The following CYP2A6 variants were observed in gnomAD, a reference collection of about 807,000 sequenced individuals.
CYP2A6 encodes the protein cytochrome P450 2A6.
CYP2A6 carries 27 observed loss-of-function variants against 42.3 expected under a neutral mutation model. The observed-to-expected ratio is 0.64, with a 90% CI of 0.47 to 0.88. The LOEUF (loss-of-function observed/expected upper bound fraction) is 0.88, where lower values mean the gene tolerates loss of function less well. Among genes scored for constraint, CYP2A6 ranks in the 40% least tolerant of loss-of-function variants. CYP2A6 has a pLI of 0.00. For synonymous variants in CYP2A6, 238 were observed against 246.3 expected (o/e 0.97, Z 0.31); for missense variants, 628 against 646.0 (o/e 0.97, Z 0.30).
chr19:40,849,008 GAGAA>G (rs1967163352), intron 2 of CYP2A6, among the ~76,000 whole-genome samples: 1 of 80,536 alleles, frequency 1.2e-5, no homozygotes, highest in African/African-American at 4.6e-5. Flanking sequence ...GAGAGAGAGA[GAGAA>G]GAGAGAGAGG....
chr19:40,849,054 GAGAGAGAGA>G (rs1967171290), intron 2 of CYP2A6, among the ~76,000 whole-genome samples: 2 of 122,170 alleles, frequency 1.6e-5, no homozygotes, highest in South Asian at 6.3e-4. Flanking sequence ...AGGAGAGAGA[GAGAGAGAGA>G]GAGAGAGAGA....
Position 40,846,917 on chromosome 19 carries a change from G to A in CYP2A6, c.789C>T (p.Ser263=). Residue 263 remains serine, a synonymous_variant, in exon 5 of 9, where the codon TCC becomes TCT. Coordinates refer to ENST00000301141, the MANE Select transcript of CYP2A6 (RefSeq NM_000762.6). Reference sequence around the variant, plus strand: ...GAAAGGAGTCAATGAAGTCCCGTGGGGAATTGGGATCCAGCGTGCGCTGGT... The same window carrying A: ...GAAAGGAGTCAATGAAGTCCCGTGGAGAATTGGGATCCAGCGTGCGCTGGT... ...EHNQRTLDPN[S]PRDFIDSFLI... 6.2e-7 allele frequency: 1 copy of A among 1,612,160 alleles called. No individual in the cohort carries two copies. The highest frequency in any genetic ancestry group is 8.5e-7 in the Non-Finnish European group (1 of 1,179,964).
In CYP2A6 at chr19:40,845,282, G is replaced by A; in HGVS notation, c.1161+12C>T. 3 of 1,611,438 alleles carry A rather than the reference G, an allele frequency of 1.9e-6. 1 individual carries two copies. The South Asian group carries it at 3.3e-5, about 18-fold the overall frequency. The stretch of plus-strand genomic sequence containing the variant: ...AAGTCCCCGTAGTCTGGGGGGTGGG[G>A]GCGGATAGCACCTTAGGGAGGAAGA... On this transcript the variant is annotated intron_variant, in intron 7 of 8. Transcript: ENST00000301141.
At chr19:40,849,793 T>A (rs768460099) in intron 2 of CYP2A6, 25 bp downstream of exon 2, 6 of 1,608,296 alleles carry the variant, frequency 3.7e-6, no homozygotes, top group Non-Finnish European at 5.1e-6. Flanking sequence ...CCTGGCCACC[T>A]TCCCCCTCTT....
At chr19:40,850,100 C>T in intron 1 of CYP2A6, 120 bp from the exon 2 acceptor site, 1 of 1,535,284 alleles carries the variant, frequency 6.5e-7, no homozygotes, top group African/African-American at 1.4e-5. Flanking sequence ...GGGAGCTGGA[C>T]ATCCCAAGAT....
Position 40,844,725 on chromosome 19 carries a change from A to G in CYP2A6, c.1209T>C (p.Ser403=), listed in dbSNP as rs56314118. 10,105 of 1,611,118 alleles carry G rather than the reference A, an allele frequency of 6.3e-3. 114 individuals are homozygous for G. The highest frequency in any genetic ancestry group is 7.2e-3 in the Non-Finnish European group (8,547 of 1,179,384). ...TGAAGTCCTGGGGGTTGGAGAAGAA[A>G]CTGGGGTCTCTCAGCACAGAGCCCA... The part of the protein sequence containing the change: ...PMLGSVLRDP[S]FFSNPQDFNP... The change falls in exon 8 of 9, where the codon AGT becomes AGC. Residue 403 remains serine (S), a synonymous_variant. Transcript: ENST00000301141.
intron 2 of CYP2A6, 23 bp downstream of exon 2, chr19:40,849,795 C>G (rs1444740582): frequency 6.8e-6 from 11 of 1,608,282 alleles, no homozygotes; most frequent in Non-Finnish European, 9.3e-6. Flanking sequence ...TGGCCACCTT[C>G]CCCCTCTTGG....
rs757324688 is a variant in CYP2A6, at chr19:40,846,883, T to A, written c.823A>T (p.Met275Leu). 11 of 1,611,886 alleles carry A rather than the reference T, an allele frequency of 6.8e-6. No homozygotes were observed. In the African/African-American group the frequency reaches 1.2e-4, roughly 18 times the overall value. The part of the protein sequence containing the change: ...RDFIDSFLIR[M>L]QEEEKNPNTE... ...TGGCTGCTGGGGTGTACCTCCTGCA[T>A]GCGGATGAGAAAGGAGTCAATGAAG... The change falls in exon 5 of 9, where the codon ATG (methionine) becomes TTG (leucine). Residue 275 changes from methionine (M) to leucine (L), a missense_variant. Met to Leu is a conservative substitution (Grantham distance 15). Around this residue, in one of 2 missense-constraint regions of CYP2A6, gnomAD observed 606 missense variants for 568.1 expected, o/e 1.07. Coordinates refer to ENST00000301141, the MANE Select transcript of CYP2A6 (RefSeq NM_000762.6).
chr19:40,848,400 G>T (rs764682436), intron 3 of CYP2A6, 21 bp from the exon 4 acceptor site: 1 of 1,611,548 alleles, frequency 6.2e-7, no homozygotes, highest in South Asian at 1.1e-5. Flanking sequence ...GGCGGGAGAA[G>T]GGGGTTGGGG....
chr19:40,846,803 G>T, intron 5 of CYP2A6, 72 bp downstream of exon 5: 1 of 1,576,074 alleles, frequency 6.3e-7, no homozygotes, highest in Admixed American at 1.7e-5. Flanking sequence ...TGTGTCATCT[G>T]CCTGCCCCAC....
intron 5 of CYP2A6, among the ~76,000 whole-genome samples, chr19:40,846,352 GT>G (rs72549443): frequency 0.16 from 23,170 of 144,022 alleles, 2,557 homozygotes; most frequent in African/African-American, 0.29. Flanking sequence ...GTTTTTTTTT[GT>G]TTTTTTTTTT....
chr19:40,843,710 T>C lies in CYP2A6; in HGVS notation c.*86A>G. On this transcript the variant is annotated 3_prime_UTR_variant, in exon 9 of 9. Coordinates refer to ENST00000301141, the MANE Select transcript of CYP2A6 (RefSeq NM_000762.6). ...CCTTTCCGCCATCCTGCCCCCAGTC[T>C]TAGCTGCGCCCCTCTCCCAAGCCCG... 7.4e-7 allele frequency: 1 copy of C among 1,343,678 alleles called. No homozygotes were observed. Among genetic ancestry groups the C allele is most frequent in the South Asian group, 1.4e-5 (1 of 73,102 alleles). 83.2% of individuals were successfully genotyped at this position (1,343,678 alleles called of 1,614,324 possible). A position where few individuals can be genotyped will look rare whatever the true frequency, so the allele number is the denominator to read the frequency against.
intron 2 of CYP2A6, 118 bp downstream of exon 2, chr19:40,849,700 G>T: frequency 6.5e-7 from 1 of 1,535,872 alleles, no homozygotes; most frequent in Non-Finnish European, 8.8e-7. Flanking sequence ...GGGGAGGGAA[G>T]ACCAGACTGG....
intron 7 of CYP2A6, 113 bp from the exon 8 acceptor site, chr19:40,844,885 G>C: frequency 2.9e-6 from 4 of 1,384,842 alleles, no homozygotes. Context: ...TGGCAGGCAT[G>C]GAGGAGTTGG....
rs138932530 is a variant in CYP2A6, at chr19:40,845,450, G to A, written c.1005C>T (p.Ile335=). 3.7e-5 allele frequency: 60 copies of A among 1,611,730 alleles called. 1 individual carries two copies. In the African/African-American group the frequency reaches 5.8e-4, roughly 15 times the overall value. The part of the protein sequence containing the change: ...AKVHEEIDRV[I]GKNRQPKFED... ...CAAACTTGGGCTGCCGGTTCTTGCC[G>A]ATCACTCTGTCAATCTCCTCATGGA... The change falls in exon 7 of 9, where the codon ATC becomes ATT. Residue 335 remains isoleucine (I), a synonymous_variant. Transcript: ENST00000301141.
At chr19:40,844,229 T>C (rs1171441318) in intron 8 of CYP2A6, among the ~76,000 whole-genome samples, 1 of 151,360 alleles carries the variant, frequency 6.6e-6, no homozygotes, top group African/African-American at 2.4e-5. Context: ...CTCTGTGTTA[T>C]ACAGTTCTAT....
At chr19:40,849,730 A>G in intron 2 of CYP2A6, 88 bp downstream of exon 2, 2 of 1,579,728 alleles carry the variant, frequency 1.3e-6, no homozygotes, top group Non-Finnish European at 8.6e-7. Context: ...CTTAGCCTCC[A>G]GTTGGCAGGA....
In CYP2A6 at chr19:40,847,003, G is replaced by A. The variant is rs779446964; in HGVS notation, c.703C>T (p.Gln235Ter). The A allele has an allele frequency of 1.2e-6, 2 of 1,611,930 alleles. No homozygotes were observed. The highest frequency in any genetic ancestry group is 2.2e-5 in the South Asian group (2 of 90,924). ...SVMKHLPGPQ[Q>*]QAFQLLQGLE... ...CCTTGCAGCAACTGAAAGGCCTGTTGCTGTGGTCCTGGCAGGTGTTTCATC... is the reference window on the plus strand; with the variant it reads ...CCTTGCAGCAACTGAAAGGCCTGTTACTGTGGTCCTGGCAGGTGTTTCATC... Residue 235 changes from glutamine (Q) to a stop codon, truncating the protein, a stop_gained, in exon 5 of 9, where the codon CAA (glutamine) becomes TAA (stop). Transcript: ENST00000301141. LOFTEE classifies it high-confidence loss of function.
chr19:40,843,569 A>G lies in CYP2A6; in HGVS notation c.*227T>C. ...GGAAATAAGAGCTGCTATTATTACT[A>G]CTCTTCATAGCATAATGTAAGGGTT... On this transcript the variant is annotated 3_prime_UTR_variant, in exon 9 of 9. Transcript: ENST00000301141. 1.3e-6 allele frequency: 1 copy of G among 745,040 alleles called. No homozygotes were observed. The highest frequency in any genetic ancestry group is 2.0e-5 in the South Asian group (1 of 49,442). 46.2% of individuals were successfully genotyped at this position (745,040 alleles called of 1,614,324 possible).
Sources: gnomAD v4.1 joint callset for allele counts (sites outside exome capture counted in the v4.1 genomes callset) on GRCh38, gnomAD v4.1.1 for gene constraint, gnomAD v4.1.1 regional missense constraint, MANE v1.5 for transcripts, NCBI Gene and HGNC (gene_info 2026-07-23, HGNC 2026-07-21) for gene names.